The following CYP2C18 variants were observed in gnomAD, a reference collection of about 807,000 sequenced individuals.
CYP2C18 encodes cytochrome P450 2C18.
In CYP2C18, 38 loss-of-function variants were observed where a neutral mutation model predicts 41.3. That is an observed-to-expected ratio of 0.92 (90% CI 0.71 to 1.21). CYP2C18 has a LOEUF of 1.21. Among genes scored for constraint, CYP2C18 ranks in the 50% most tolerant of loss-of-function variants. The pLI is 0.00. For synonymous variants in CYP2C18, 236 were observed against 210.0 expected (o/e 1.12, Z -1.07); for missense variants, 635 against 591.4 (o/e 1.07, Z -0.77).
Position 94,731,761 on chromosome 10 carries a change from C to T in CYP2C18, c.1150-1536C>T, listed in dbSNP as rs181042193. Among the ~76,000 whole-genome samples the T allele has an allele frequency of 3.0e-3, 451 of 152,216 alleles. 1 individual carries two copies. The highest frequency in any genetic ancestry group is 4.9e-3 in the Non-Finnish European group (331 of 68,000). ...AAATGATGCTGGGATGGCAGGCTAG[C>T]CATATGCAGAATGAAACTGGACCCC... On this transcript the variant is annotated intron_variant, in intron 7 of 8. Transcript: ENST00000285979.
At chr10:94,685,394 T>A (rs1846868301) in intron 1 of CYP2C18, among the ~76,000 whole-genome samples, 1 of 152,136 alleles carries the variant, frequency 6.6e-6, no homozygotes, top group African/African-American at 2.4e-5. Flanking sequence ...TTTCTAAGTA[T>A]TTTGGGTGGT....
At chr10:94,721,036 C>T (rs934582253) in intron 6 of CYP2C18, among the ~76,000 whole-genome samples, 4 of 151,840 alleles carry the variant, frequency 2.6e-5, no homozygotes, top group Admixed American at 1.3e-4. Context: ...TTTTTTGAGA[C>T]AGAGTCTCAC....
In CYP2C18 at chr10:94,724,374, A is replaced by T; in HGVS notation, c.990A>T (p.Val330=). 6.2e-7 allele frequency: 1 copy of T among 1,613,516 alleles called. No homozygotes were observed. Among genetic ancestry groups the T allele is most frequent in the Non-Finnish European group, 8.5e-7 (1 of 1,179,626 alleles). Residue 330 remains valine (V), a synonymous_variant, in exon 7 of 9, where the codon GTA becomes GTT. Coordinates refer to ENST00000285979, the MANE Select transcript of CYP2C18 (RefSeq NM_000772.3). ...TAKVQEEIEC[V]VGRNRSPCMQ... ...AAGTCCAGGAAGAGATTGAATGTGT[A>T]GTTGGCAGAAACCGGAGCCCCTGTA...
chr10:94,696,511 A>G (rs186881438), intron 4 of CYP2C18, among the ~76,000 whole-genome samples: 202 of 152,316 alleles, frequency 1.3e-3, no homozygotes, highest in Non-Finnish European at 2.3e-3. Context: ...AAAGGTAGAT[A>G]AAACCACAAA....
intron 5 of CYP2C18, among the ~76,000 whole-genome samples, chr10:94,715,706 T>C (rs1221739904): frequency 6.6e-6 from 1 of 152,204 alleles, no homozygotes; most frequent in African/African-American, 2.4e-5. Context: ...TCAAATGCAT[T>C]AGGGAGGATT....
At chr10:94,700,128 TTTAAAGTTCA>T (rs1403811901) in intron 4 of CYP2C18, among the ~76,000 whole-genome samples, 2 of 152,216 alleles carry the variant, frequency 1.3e-5, no homozygotes, top group African/African-American at 2.4e-5. Context: ...AAAAAACTAC[TTTAAAGTTCA>T]TATGGAACCA....
chr10:94,735,033 TG>T (rs1222672416), intron 8 of CYP2C18, among the ~76,000 whole-genome samples: 2 of 152,140 alleles, frequency 1.3e-5, no homozygotes, highest in Non-Finnish European at 2.9e-5. Context: ...GGCATAGAGC[TG>T]ATACTCCATA....
chr10:94,710,567 G>T (rs548386436), intron 5 of CYP2C18, among the ~76,000 whole-genome samples: 2 of 152,168 alleles, frequency 1.3e-5, no homozygotes, highest in East Asian at 3.9e-4. Flanking sequence ...ACAATGTTTT[G>T]TGTCAGCTAG....
chr10:94,717,889 G>T (rs574954210), intron 5 of CYP2C18, among the ~76,000 whole-genome samples: 1 of 151,982 alleles, frequency 6.6e-6, no homozygotes, highest in Non-Finnish European at 1.5e-5. Flanking sequence ...GTAATGTGAT[G>T]CCTCCAGCTT....
chr10:94,695,266 A>T (rs998296827), intron 4 of CYP2C18, among the ~76,000 whole-genome samples, 189 bp downstream of exon 4: 2 of 151,916 alleles, frequency 1.3e-5, no homozygotes, highest in Admixed American at 1.3e-4. Flanking sequence ...TATATTAGGT[A>T]TTTCTCCTAA....
intron 7 of CYP2C18, among the ~76,000 whole-genome samples, chr10:94,725,241 T>A (rs1264199909): frequency 2.0e-5 from 3 of 151,474 alleles, no homozygotes; most frequent in Non-Finnish European, 4.4e-5. Context: ...CACCTGGCTT[T>A]TAAATAATAT....
At chr10:94,688,688 G>C (rs192612241) in intron 3 of CYP2C18, among the ~76,000 whole-genome samples, 1 of 152,146 alleles carries the variant, frequency 6.6e-6, no homozygotes, top group East Asian at 1.9e-4. Flanking sequence ...CTATGCATAC[G>C]CTGTGAGTAT....
intron 6 of CYP2C18, among the ~76,000 whole-genome samples, chr10:94,720,793 C>A (rs1326666244): frequency 6.6e-6 from 1 of 152,100 alleles, no homozygotes; most frequent in Non-Finnish European, 1.5e-5. Flanking sequence ...TGACTAAATA[C>A]TTTTAATAAA....
At chr10:94,698,821 C>G (rs765800491) in intron 4 of CYP2C18, among the ~76,000 whole-genome samples, 4 of 152,126 alleles carry the variant, frequency 2.6e-5, no homozygotes, top group Non-Finnish European at 4.4e-5. Context: ...CACAGAAACA[C>G]AAACTACCAT....
intron 4 of CYP2C18, among the ~76,000 whole-genome samples, chr10:94,700,551 G>T (rs1254321912): frequency 1.3e-5 from 2 of 152,146 alleles, no homozygotes; most frequent in Non-Finnish European, 2.9e-5. Flanking sequence ...TACCATTCAG[G>T]ACAGAGGCAT....
chr10:94,720,314 A>T, intron 5 of CYP2C18, 82 bp from the exon 6 acceptor site: 2 of 1,262,552 alleles, frequency 1.6e-6, no homozygotes, highest in Admixed American at 4.7e-5. Context: ...TATCTTTAGA[A>T]CAACCTGATA....
chr10:94,689,006 A>G (rs961348603), intron 3 of CYP2C18, among the ~76,000 whole-genome samples: 2 of 152,136 alleles, frequency 1.3e-5, no homozygotes, highest in Non-Finnish European at 2.9e-5. Flanking sequence ...GTCTGTGTCT[A>G]CAATTTCTAC....
chr10:94,713,023 T>A (rs1010899508), intron 5 of CYP2C18, among the ~76,000 whole-genome samples: 4 of 152,172 alleles, frequency 2.6e-5, no homozygotes, highest in African/African-American at 9.6e-5. Flanking sequence ...TGCCCATTTC[T>A]TAATTGGATT....
intron 1 of CYP2C18, among the ~76,000 whole-genome samples, chr10:94,686,522 A>G (rs947602452): frequency 6.6e-6 from 1 of 152,178 alleles, no homozygotes; most frequent in Non-Finnish European, 1.5e-5. Flanking sequence ...TTAGCTTTTC[A>G]CCATTAAATA....
Sources: allele counts gnomAD v4.1 joint callset (sites outside exome capture counted in the v4.1 genomes callset), GRCh38; gene constraint gnomAD v4.1.1; transcripts MANE v1.5; gene names NCBI Gene and HGNC (gene_info 2026-07-23, HGNC 2026-07-21).